Variants in DMRT1 observed in about 807,000 individuals in gnomAD.
DMRT1 encodes the protein doublesex and mab-3 related transcription factor 1.
In DMRT1, 7 loss-of-function variants were observed where a neutral mutation model predicts 32.3. That is an observed-to-expected ratio of 0.22 (90% CI 0.12 to 0.41). The LOEUF (loss-of-function observed/expected upper bound fraction) is 0.41. Ranked by LOEUF, DMRT1 falls within the 10% of genes least tolerant of loss-of-function variation. DMRT1 has a pLI of 1.00. For missense variants in DMRT1, 625 were observed against 500.5 expected, an observed-to-expected ratio of 1.25 and a Z score of -2.37; for synonymous variants, 278 against 206.1, an observed-to-expected ratio of 1.35 and a Z score of -2.99.
At chr9:858,868 AAAATATAT>A (rs1337400630) in intron 2 of DMRT1, among the ~76,000 whole-genome samples, 366 of 17,138 alleles carry the variant, frequency 0.021, 1 homozygote, top group African/African-American at 0.061. Flanking sequence ...AAAAAAAAAA[AAAATATAT>A]ATATATATAT....
chr9:885,429 G>A (rs1816888411), intron 2 of DMRT1, among the ~76,000 whole-genome samples: 1 of 152,170 alleles, frequency 6.6e-6, no homozygotes, highest in Non-Finnish European at 1.5e-5. Flanking sequence ...GAAAGGAGAT[G>A]GTTTTCCCCT....
At chr9:926,576 A>G (rs1282384823) in intron 4 of DMRT1, among the ~76,000 whole-genome samples, 2 of 152,196 alleles carry the variant, frequency 1.3e-5, no homozygotes, top group Non-Finnish European at 2.9e-5. Context: ...TTATCATGAG[A>G]TTGCTTTTAC....
At chr9:918,322 C>A (rs899988433) in intron 4 of DMRT1, among the ~76,000 whole-genome samples, 1 of 152,194 alleles carries the variant, frequency 6.6e-6, no homozygotes, top group Non-Finnish European at 1.5e-5. Context: ...ATTGCCTGAG[C>A]TTCTTACACC....
At chr9:882,919 C>T (rs574571338) in intron 2 of DMRT1, among the ~76,000 whole-genome samples, 1 of 151,852 alleles carries the variant, frequency 6.6e-6, no homozygotes, top group South Asian at 2.1e-4. Flanking sequence ...TTACAGGTGC[C>T]TGCCACCATG....
At chr9:900,013 C>T (rs773924062) in intron 3 of DMRT1, among the ~76,000 whole-genome samples, 9 of 152,314 alleles carry the variant, frequency 5.9e-5, no homozygotes, top group South Asian at 2.1e-4. Context: ...TAAGGCACCT[C>T]GAAGGAATGC....
At chr9:871,499 ATTT>A (rs56390211) in intron 2 of DMRT1, among the ~76,000 whole-genome samples, 43,268 of 114,940 alleles carry the variant, frequency 0.38, 7,783 homozygotes, top group South Asian at 0.44. Context: ...CGCCCGGCTA[ATTT>A]TTTTTTTTTT....
chr9:848,412 T>C (rs987432621), intron 2 of DMRT1, among the ~76,000 whole-genome samples: 1 of 152,168 alleles, frequency 6.6e-6, no homozygotes, highest in Non-Finnish European at 1.5e-5. Context: ...GGAAGGTGTG[T>C]CTGTCTGTGT....
At chr9:896,188 TTTGA>T (rs1384715665) in intron 3 of DMRT1, among the ~76,000 whole-genome samples, 1 of 152,142 alleles carries the variant, frequency 6.6e-6, no homozygotes, top group Non-Finnish European at 1.5e-5. Flanking sequence ...ATATAAATGC[TTTGA>T]TTGACCAGTA....
chr9:878,200 G>GCCCTCCCCC, intron 2 of DMRT1, among the ~76,000 whole-genome samples: 1 of 94,040 alleles, frequency 1.1e-5, no homozygotes, highest in Non-Finnish European at 2.0e-5. Context: ...TGCAGCTGCT[G>GCCCTCCCCC]CCCCCCCCCC....
At chr9:842,296 GC>G in intron 1 of DMRT1, 104 bp downstream of exon 1, 1 of 1,405,888 alleles carries the variant, frequency 7.1e-7, no homozygotes, top group Non-Finnish European at 9.4e-7. Context: ...GTGTAGTGGC[GC>G]GATCTTGGCT....
intron 2 of DMRT1, among the ~76,000 whole-genome samples, chr9:880,662 G>T (rs1401488522): frequency 6.8e-6 from 1 of 147,568 alleles, no homozygotes; most frequent in Admixed American, 7.0e-5. Context: ...GGAGGCAGAG[G>T]TTGCAGTGAG....
At chr9:928,183 A>G (rs545543685) in intron 4 of DMRT1, among the ~76,000 whole-genome samples, 1 of 152,344 alleles carries the variant, frequency 6.6e-6, no homozygotes, top group South Asian at 2.1e-4. Flanking sequence ...GTTTATTTAC[A>G]TTCACGCTAA....
intron 2 of DMRT1, among the ~76,000 whole-genome samples, chr9:884,542 G>A (rs1296068614): frequency 6.6e-6 from 1 of 152,204 alleles, no homozygotes; most frequent in African/African-American, 2.4e-5. Flanking sequence ...GTTATGGTCT[G>A]TGGGACAAAT....
chr9:942,161 G>A (rs1819095387), intron 4 of DMRT1, among the ~76,000 whole-genome samples: 1 of 151,658 alleles, frequency 6.6e-6, no homozygotes, highest in Admixed American at 6.5e-5. Flanking sequence ...TTTTGGAGAT[G>A]GGGGGTAAAT....
At chr9:929,545 C>T (rs1490941543) in intron 4 of DMRT1, among the ~76,000 whole-genome samples, 2 of 152,018 alleles carry the variant, frequency 1.3e-5, no homozygotes, top group East Asian at 1.9e-4. Context: ...ATTATTTCTC[C>T]TTCTGCTTGG....
chr9:956,086 G>C (rs190799240), intron 4 of DMRT1, among the ~76,000 whole-genome samples: 1 of 152,182 alleles, frequency 6.6e-6, no homozygotes, highest in African/African-American at 2.4e-5. Context: ...ATGTTATTTC[G>C]TCTTTAAAAG....
intron 3 of DMRT1, among the ~76,000 whole-genome samples, chr9:908,436 C>T (rs535394943): frequency 6.7e-6 from 1 of 150,328 alleles, no homozygotes; most frequent in Non-Finnish European, 1.5e-5. Context: ...CCAGGCTGGG[C>T]GACAGAGAGA....
intron 4 of DMRT1, among the ~76,000 whole-genome samples, chr9:942,600 AT>A (rs1819112559): frequency 6.6e-6 from 1 of 152,172 alleles, no homozygotes; most frequent in Non-Finnish European, 1.5e-5. Flanking sequence ...TTGATATAAA[AT>A]TGCAATGATG....
At chr9:845,324 C>T (rs1351590106) in intron 1 of DMRT1, among the ~76,000 whole-genome samples, 2 of 152,030 alleles carry the variant, frequency 1.3e-5, no homozygotes, top group East Asian at 1.9e-4. Context: ...ATTCTCCTCT[C>T]GGCCTCCTGA....
Sources: gnomAD v4.1 joint callset for allele counts (sites outside exome capture counted in the v4.1 genomes callset) on GRCh38, gnomAD v4.1.1 for gene constraint, MANE v1.5 for transcripts, NCBI Gene and HGNC (gene_info 2026-07-23, HGNC 2026-07-21) for gene names.